Variants in NLRP12 observed in about 807,000 individuals in gnomAD.
NLRP12 encodes NLR family pyrin domain containing 12.
Under a neutral mutation model 91.2 loss-of-function variants are expected in NLRP12, and 108 were observed. The ratio of observed to expected loss-of-function variants is 1.18; its 90% CI spans 1.01 to 1.39. The LOEUF (loss-of-function observed/expected upper bound fraction) is 1.39, where lower values mean the gene tolerates loss of function less well. Among genes scored for constraint, NLRP12 ranks in the 40% most tolerant of loss-of-function variants. NLRP12 has a pLI of 0.00. For missense variants in NLRP12, 1,530 were observed against 1,352.7 expected (o/e 1.13, Z -2.06); for synonymous variants, 613 against 566.7 (o/e 1.08, Z -1.16).
chr19:53,795,099 GGTGTGTGCGTGT>G (rs1411253103), intron 9 of NLRP12, among the ~76,000 whole-genome samples: 11 of 133,472 alleles, frequency 8.2e-5, no homozygotes, highest in Non-Finnish European at 1.5e-4. Context: ...CACCATACCT[GGTGTGTGCGTGT>G]GTGTGTGTGT....
chr19:53,807,811 C>T (rs913702474), intron 3 of NLRP12, 146 bp from the exon 4 acceptor site: 33 of 874,846 alleles, frequency 3.8e-5, no homozygotes, highest in Non-Finnish European at 4.7e-5. Context: ...AGTGCAATGG[C>T]GCAATCTCAG....
chr19:53,802,077 AT>A (rs1158801523), intron 6 of NLRP12, among the ~76,000 whole-genome samples: 2 of 151,896 alleles, frequency 1.3e-5, no homozygotes, highest in East Asian at 3.9e-4. Flanking sequence ...AATACAAAAA[AT>A]TAGCTGGGCG....
At chr19:53,821,031 C>CTTTTTTTT (rs1158419664) in intron 1 of NLRP12, among the ~76,000 whole-genome samples, 23 of 81,270 alleles carry the variant, frequency 2.8e-4, no homozygotes, top group African/African-American at 5.2e-4. Context: ...CATATTTTTT[C>CTTTTTTTT]TTTTTTTTTT....
In NLRP12 at chr19:53,810,674, G is replaced by T. The variant is rs147810259; in HGVS notation, c.985C>A (p.Arg329=). ...PTELLLNSLI[R]KKLLPELSLL... is the part of the protein sequence containing the mutation. ...GATAGCTCAGGGAGCAGCTTCTTCC[G>T]AATTAAGCTGTTAAGAAGCAGCTCC... Residue 329 remains arginine, a synonymous_variant, in exon 3 of 10, where the codon CGG becomes AGG. Transcript: ENST00000324134. The T allele has an allele frequency of 2.5e-6, 4 of 1,613,846 alleles. No homozygotes were observed. In the South Asian group the frequency reaches 3.3e-5, roughly 13 times the overall value.
In NLRP12 at chr19:53,807,659, C is replaced by G; in HGVS notation, c.2079G>C (p.Glu693Asp). Residue 693 changes from glutamate to aspartate, a missense_variant, in exon 4 of 10, where the codon GAG becomes GAC. Glu to Asp is a conservative substitution (Grantham distance 45, BLOSUM62 2). Coordinates refer to ENST00000324134, the MANE Select transcript of NLRP12 (RefSeq NM_144687.4). ...TGTAGGCGTCCAGCAGAACGGTCCT[C>G]TCTGGTCTGCTTGAAGGAAAGACAG... The part of the protein sequence containing the change: ...GAHTLLVQLP[E>D]RTVLLDAYSE... The G allele has an allele frequency of 6.2e-7, 1 of 1,614,156 alleles. No individual in the cohort carries two copies. The highest frequency in any genetic ancestry group is 8.5e-7 in the Non-Finnish European group (1 of 1,180,026).
At chr19:53,818,268 T>C (rs1262252019) in intron 1 of NLRP12, among the ~76,000 whole-genome samples, 2 of 151,788 alleles carry the variant, frequency 1.3e-5, no homozygotes, top group African/African-American at 4.8e-5. Flanking sequence ...GAGAAGGGGT[T>C]TTGCCATGTT....
At chr19:53,798,184 G>GA in intron 8 of NLRP12, 59 bp downstream of exon 8, 1 of 1,558,212 alleles carries the variant, frequency 6.4e-7, no homozygotes, top group Non-Finnish European at 8.9e-7. Flanking sequence ...TGAAGGATGA[G>GA]AAGGCGCTTC....
intron 4 of NLRP12, 53 bp from the exon 5 acceptor site, chr19:53,805,503 G>C (rs1381270432): frequency 1.2e-5 from 19 of 1,564,364 alleles, no homozygotes; most frequent in Non-Finnish European, 1.5e-5. Flanking sequence ...CTCCAGTTTT[G>C]TGGATTATTT....
In NLRP12 at chr19:53,819,297, T is replaced by G. The variant is rs566726194; in HGVS notation, c.290-4309A>C. Among the ~76,000 whole-genome samples the G allele has an allele frequency of 9.2e-3, 1,374 of 150,140 alleles. 12 individuals are homozygous for G. Among genetic ancestry groups the G allele is most frequent in the Non-Finnish European group, 0.013 (864 of 67,440 alleles). ...CTCGCTTTTGTCATCCAGGCTGGAGTGCAGTGGCGTGATCTCGGCTCACTG... is the reference window on the plus strand; with the variant it reads ...CTCGCTTTTGTCATCCAGGCTGGAGGGCAGTGGCGTGATCTCGGCTCACTG... On this transcript the variant is annotated intron_variant, in intron 1 of 9. Transcript: ENST00000324134.
At chr19:53,796,489 C>T (rs1233676287) in intron 8 of NLRP12, among the ~76,000 whole-genome samples, 3 of 151,802 alleles carry the variant, frequency 2.0e-5, no homozygotes, top group South Asian at 2.1e-4. Context: ...CCTCGTGATC[C>T]GCCCGCCTCA....
chr19:53,795,648 A>G (rs1157488081), intron 9 of NLRP12, among the ~76,000 whole-genome samples: 1 of 151,984 alleles, frequency 6.6e-6, no homozygotes, highest in Non-Finnish European at 1.5e-5. Context: ...TGCTGGGATT[A>G]TAGGTGTGAG....
intron 3 of NLRP12, among the ~76,000 whole-genome samples, chr19:53,809,250 G>A (rs1405077029): frequency 6.9e-6 from 1 of 145,284 alleles, no homozygotes; most frequent in Non-Finnish European, 1.5e-5. Context: ...AAAAAATCGT[G>A]GGCCGGGTGC....
At chr19:53,814,511 C>T (rs565535608) in intron 2 of NLRP12, among the ~76,000 whole-genome samples, 1 of 152,194 alleles carries the variant, frequency 6.6e-6, no homozygotes, top group East Asian at 1.9e-4. Flanking sequence ...TCCACCACAC[C>T]CTGCTAATTT....
chr19:53,817,618 C>A (rs2092181944), intron 1 of NLRP12, among the ~76,000 whole-genome samples: 1 of 151,718 alleles, frequency 6.6e-6, no homozygotes, highest in Non-Finnish European at 1.5e-5. Flanking sequence ...TGCCTGTAAT[C>A]CCAGCTACTT....
chr19:53,802,713 A>G (rs1354963841), intron 6 of NLRP12, among the ~76,000 whole-genome samples: 1 of 151,944 alleles, frequency 6.6e-6, no homozygotes, highest in Non-Finnish European at 1.5e-5. Flanking sequence ...TCTCAAAAAA[A>G]AAAAAGAAAA....
chr19:53,823,831 TG>T, intron 1 of NLRP12, 54 bp downstream of exon 1: 1 of 1,599,724 alleles, frequency 6.3e-7, no homozygotes. Context: ...ATTACAGGTA[TG>T]AGTCACTGGA....
chr19:53,823,816 C>T (rs1239224555), intron 1 of NLRP12, 70 bp downstream of exon 1: 6 of 1,572,314 alleles, frequency 3.8e-6, no homozygotes, highest in Non-Finnish European at 5.2e-6. Flanking sequence ...TCCCAAAGTG[C>T]TGAGATTACA....
intron 8 of NLRP12, 124 bp downstream of exon 8, chr19:53,798,119 C>G: frequency 1.8e-6 from 2 of 1,111,588 alleles, no homozygotes; most frequent in Non-Finnish European, 2.7e-6. Context: ...TTCCACCTCT[C>G]TTCTTGCTAC....
At chr19:53,823,386 C>T (rs894286548) in intron 1 of NLRP12, among the ~76,000 whole-genome samples, 168 of 71,024 alleles carry the variant, frequency 2.4e-3, no homozygotes, top group African/African-American at 7.8e-3. Flanking sequence ...TAATTATATA[C>T]ATATTTTAAA....
Sources: allele counts gnomAD v4.1 joint callset (sites outside exome capture counted in the v4.1 genomes callset), GRCh38; gene constraint gnomAD v4.1.1; transcripts MANE v1.5; gene names NCBI Gene and HGNC (gene_info 2026-07-23, HGNC 2026-07-21).